Variants in PXK observed in about 807,000 individuals in gnomAD.
PXK encodes PX domain containing serine/threonine kinase like, also known as PX domain-containing protein kinase-like protein.
In PXK, 35 loss-of-function variants were observed where a neutral mutation model predicts 84.7. That is an observed-to-expected ratio of 0.41 (90% confidence interval 0.32 to 0.55). PXK has a LOEUF of 0.55. Among genes scored for constraint, PXK ranks in the 20% least tolerant of loss-of-function variants. PXK has a pLI of 0.21. For synonymous variants in PXK, 253 were observed against 260.8 expected (o/e 0.97, Z 0.29); for missense variants, 634 against 699.7 (o/e 0.91, Z 1.06).
intron 8 of PXK, 70 bp downstream of exon 8, chr3:58,395,172 T>TGGAGTCTTAGAGA: frequency 1.8e-6 from 2 of 1,129,070 alleles, no homozygotes; most frequent in Non-Finnish European, 2.6e-6. Context: ...ATACTTAGTC[T>TGGAGTCTTAGAGA]CTAAGACTCC....
intron 13 of PXK, among the ~76,000 whole-genome samples, chr3:58,408,584 G>A (rs1203357664): frequency 2.6e-5 from 4 of 151,002 alleles, no homozygotes; most frequent in Non-Finnish European, 1.5e-5. Flanking sequence ...GTGCAGTGGC[G>A]TGATCTCGGC....
chr3:58,419,141 G>A (rs1311527452), intron 17 of PXK, among the ~76,000 whole-genome samples: 1 of 152,260 alleles, frequency 6.6e-6, no homozygotes, highest in Non-Finnish European at 1.5e-5. Context: ...AAGTCTGTCT[G>A]TCTAGATTCT....
At chr3:58,342,283 T>TCA (rs1467716851) in intron 1 of PXK, among the ~76,000 whole-genome samples, 1 of 151,804 alleles carries the variant, frequency 6.6e-6, no homozygotes, top group African/African-American at 2.4e-5. Context: ...TTGTGAACTC[T>TCA]CAGAACCTCA....
chr3:58,400,837 A>G lies in PXK; in HGVS notation c.1181+1460A>G, dbSNP rs1393626997. 2.0e-5 allele frequency among the ~76,000 whole-genome samples: 3 copies of G among 152,056 alleles called. No homozygotes were observed. The highest frequency in any genetic ancestry group is 4.4e-5 in the Non-Finnish European group (3 of 68,010). On this transcript the variant is annotated intron_variant, in intron 12 of 17. Transcript: ENST00000356151. This position sits in a 1 kb window ranked among gnomAD's most constrained non-coding sequence, Gnocchi z 4.0. ...AGGCTGAGGCAGAAGAATCACTTGA[A>G]CTGGGGAGGCAGAGGTTGCAGTGAG... is the stretch of plus-strand genomic sequence containing the variant.
chr3:58,347,346 C>CT (rs200416173), intron 1 of PXK, among the ~76,000 whole-genome samples: 364 of 152,310 alleles, frequency 2.4e-3, no homozygotes, highest in African/African-American at 8.3e-3. Context: ...TACACACCCA[C>CT]TTTCATCGCT....
In PXK at chr3:58,396,984, G is replaced by A. The variant is rs1270412864; in HGVS notation, c.823-55G>A. On this transcript the variant is annotated intron_variant, in intron 9 of 17. Transcript: ENST00000356151. ...TTGACTAAAAAACAAAGTTTAACTT[G>A]TCTTATATCTGAATGAGTTTGGGGA... 4 of 1,549,398 alleles carry A rather than the reference G, an allele frequency of 2.6e-6. No individual in the cohort carries two copies. In the Admixed American group the frequency reaches 7.3e-5, roughly 28 times the overall value.
chr3:58,395,887 T>A (rs1447690071), intron 9 of PXK, 128 bp downstream of exon 9: 2 of 681,344 alleles, frequency 2.9e-6, no homozygotes, highest in Admixed American at 3.3e-5. Context: ...GATTGCATTG[T>A]CATATTTTGC....
chr3:58,375,725 T>A (rs1366009665), intron 3 of PXK, among the ~76,000 whole-genome samples: 1 of 152,134 alleles, frequency 6.6e-6, no homozygotes, highest in Non-Finnish European at 1.5e-5. Flanking sequence ...TGAGTGTGGG[T>A]GTGTGTGAGC....
At chr3:58,406,787 C>G (rs1056587134) in intron 13 of PXK, among the ~76,000 whole-genome samples, 2 of 152,182 alleles carry the variant, frequency 1.3e-5, no homozygotes, top group African/African-American at 4.8e-5. Context: ...GTGATCTTGA[C>G]TACTCTAGAA....
In PXK at chr3:58,401,844, G is replaced by A. The variant is rs909589133; in HGVS notation, c.1182-2018G>A. Among the ~76,000 whole-genome samples, 5 of 150,598 alleles carry A rather than the reference G, an allele frequency of 3.3e-5. No homozygotes were observed. The highest frequency in any genetic ancestry group is 6.6e-5 in the Admixed American group (1 of 15,136). ...CAGGAGGCGGAGTTTGCACTGGAGC[G>A]CGCCACTGCACTCCAGCCTGGGCGA... On this transcript the variant is annotated intron_variant, in intron 12 of 17. Coordinates refer to ENST00000356151, the MANE Select transcript of PXK (RefSeq NM_017771.5). This position sits in a 1 kb window ranked among gnomAD's most constrained non-coding sequence, Gnocchi z 4.4.
intron 1 of PXK, among the ~76,000 whole-genome samples, chr3:58,353,040 A>G (rs925374847): frequency 6.6e-6 from 1 of 151,436 alleles, no homozygotes; most frequent in Non-Finnish European, 1.5e-5. Context: ...TCTGTCACCC[A>G]GGCTGGAGTG....
At chr3:58,419,740 C>T (rs551900428) in intron 17 of PXK, among the ~76,000 whole-genome samples, 9 of 152,326 alleles carry the variant, frequency 5.9e-5, no homozygotes, top group African/African-American at 1.7e-4. Context: ...GCCTCTTTTC[C>T]GTTTCCCAGC....
chr3:58,374,518 G>A (rs2098421616), intron 3 of PXK, among the ~76,000 whole-genome samples: 3 of 152,136 alleles, frequency 2.0e-5, no homozygotes, highest in Admixed American at 2.0e-4. Context: ...GAACTCCGGG[G>A]ACTCCTCTGC....
At chr3:58,354,291 G>A (rs978044028) in intron 1 of PXK, among the ~76,000 whole-genome samples, 9 of 152,074 alleles carry the variant, frequency 5.9e-5, no homozygotes, top group Admixed American at 1.3e-4. Flanking sequence ...GATACCAACC[G>A]TACCCCCAAA....
intron 1 of PXK, among the ~76,000 whole-genome samples, chr3:58,358,784 C>G (rs576078553): frequency 6.6e-6 from 1 of 152,256 alleles, no homozygotes; most frequent in Non-Finnish European, 1.5e-5. Context: ...GAACACTGAC[C>G]TAAACATAGA....
chr3:58,391,196 A>G lies in PXK; in HGVS notation c.516A>G (p.Pro172=), dbSNP rs759978324. 2.5e-6 allele frequency: 4 copies of G among 1,613,808 alleles called. No individual in the cohort carries two copies. The highest frequency in any genetic ancestry group is 3.4e-6 in the Non-Finnish European group (4 of 1,179,754). ...TCTTGATGAAGATTAAAAATCAGCC[A>G]AAGGAACGGCTAGTGTTAAGCTGGG... is the stretch of plus-strand genomic sequence containing the variant. ...KYFLMKIKNQ[P]KERLVLSWAD... Residue 172 remains proline, a synonymous_variant, in exon 6 of 18, where the codon CCA becomes CCG. Coordinates refer to ENST00000356151, the MANE Select transcript of PXK (RefSeq NM_017771.5).
chr3:58,420,843 C>T, intron 17 of PXK: 4 of 1,270,742 alleles, frequency 3.1e-6, no homozygotes, highest in Non-Finnish European at 4.0e-6. Context: ...TGCAAATCAA[C>T]TGCATGGCAT....
intron 17 of PXK, chr3:58,420,764 A>G (rs910625120): frequency 7.0e-5 from 97 of 1,389,608 alleles, no homozygotes; most frequent in Non-Finnish European, 8.7e-5. Flanking sequence ...TATTCATTTC[A>G]TTTTCATCAT....
At chr3:58,413,108 CA>C in intron 17 of PXK, 145 bp downstream of exon 17, 1 of 857,968 alleles carries the variant, frequency 1.2e-6, no homozygotes, top group Non-Finnish European at 1.9e-6. Context: ...TGCAAATTAG[CA>C]GTGTCATTTG....
Sources: allele counts gnomAD v4.1 joint callset (sites outside exome capture counted in the v4.1 genomes callset), GRCh38; gene constraint gnomAD v4.1.1; non-coding constraint Gnocchi (gnomAD v3.1); transcripts MANE v1.5; gene names NCBI Gene and HGNC (gene_info 2026-07-23, HGNC 2026-07-21).